Variants in CA8 observed in about 807,000 individuals in gnomAD.
CA8 encodes the protein carbonic anhydrase-related protein.
A neutral mutation model predicts 41.4 loss-of-function variants in CA8; 22 were observed. The observed-to-expected ratio is 0.53, with a 90% CI of 0.38 to 0.76. The LOEUF is 0.76. CA8 is among the 30% of genes least tolerant of loss of function. The pLI is 0.00. For missense variants in CA8, 270 were observed against 352.8 expected, an observed-to-expected ratio of 0.77 and a Z score of 1.88; for synonymous variants, 121 against 130.6, an observed-to-expected ratio of 0.93 and a Z score of 0.50.
chr8:60,202,845 A>G (rs1806472510), intron 8 of CA8, among the ~76,000 whole-genome samples: 1 of 152,184 alleles, frequency 6.6e-6, no homozygotes, highest in Admixed American at 6.5e-5. Context: ...TGTATACTAT[A>G]CCATACCCTC....
intron 2 of CA8, among the ~76,000 whole-genome samples, chr8:60,275,478 G>T (rs75477120): frequency 0.013 from 2,040 of 151,550 alleles, 42 homozygotes; most frequent in African/African-American, 0.048. Context: ...AAAAAAAAAG[G>T]TTTTTAATTG....
chr8:60,204,707 A>G (rs965974177), intron 8 of CA8, among the ~76,000 whole-genome samples: 1 of 152,234 alleles, frequency 6.6e-6, no homozygotes, highest in African/African-American at 2.4e-5. Context: ...TATAATAAAT[A>G]GAAAACAGCT....
chr8:60,211,446 G>C (rs781728399), intron 7 of CA8, among the ~76,000 whole-genome samples: 1 of 152,180 alleles, frequency 6.6e-6, no homozygotes, highest in Non-Finnish European at 1.5e-5. Flanking sequence ...AGCATGCACA[G>C]GTCACTGAGG....
At chr8:60,251,028 C>G (rs1808424840) in intron 3 of CA8, among the ~76,000 whole-genome samples, 1 of 151,920 alleles carries the variant, frequency 6.6e-6, no homozygotes, top group African/African-American at 2.4e-5. Context: ...TATTTATATG[C>G]CATTAAATTA....
chr8:60,248,217 T>C (rs1471166391), intron 3 of CA8, among the ~76,000 whole-genome samples: 4 of 152,210 alleles, frequency 2.6e-5, no homozygotes, highest in African/African-American at 4.8e-5. Context: ...TTCACTCTGA[T>C]GATACTTTCT....
intron 3 of CA8, chr8:60,232,710 A>G (rs1422253022): frequency 2.7e-6 from 1 of 366,956 alleles, no homozygotes; most frequent in Non-Finnish European, 5.2e-6. Flanking sequence ...ATGAAACAAA[A>G]CTCCAGGTCT....
In CA8 at chr8:60,185,745, A is replaced by C. The variant is rs1805946466; in HGVS notation, c.*4276T>G. Among the ~76,000 whole-genome samples, 1 of 152,144 alleles carries C rather than the reference A, an allele frequency of 6.6e-6. No homozygotes were observed. Among genetic ancestry groups the C allele is most frequent in the Non-Finnish European group, 1.5e-5 (1 of 68,010 alleles). Reference sequence around the variant, plus strand: ...TAAAATAAAGATAGCCCATATAAACAAAAACTAAAGATTTGTCCCTATCAG... The same window carrying C: ...TAAAATAAAGATAGCCCATATAAACCAAAACTAAAGATTTGTCCCTATCAG... On this transcript the variant is annotated 3_prime_UTR_variant, in exon 9 of 9. Coordinates refer to ENST00000317995, the MANE Select transcript of CA8 (RefSeq NM_004056.6).
intron 3 of CA8, among the ~76,000 whole-genome samples, chr8:60,253,504 T>C (rs1808519485): frequency 6.6e-6 from 1 of 152,102 alleles, no homozygotes; most frequent in African/African-American, 2.4e-5. Context: ...CACCACCTCT[T>C]CTTTTGCCAT....
At chr8:60,245,332 AC>A (rs1297575164) in intron 3 of CA8, among the ~76,000 whole-genome samples, 2 of 152,220 alleles carry the variant, frequency 1.3e-5, no homozygotes, top group Non-Finnish European at 2.9e-5. Flanking sequence ...ACTAAATGAA[AC>A]TGCCCTAATC....
intron 4 of CA8, among the ~76,000 whole-genome samples, chr8:60,230,156 T>C (rs1435435476): frequency 1.3e-5 from 2 of 152,230 alleles, no homozygotes; most frequent in Admixed American, 1.3e-4. Context: ...CTCAATGTCC[T>C]GCCTTTCTCC....
chr8:60,242,363 A>G (rs1266646638), intron 3 of CA8, among the ~76,000 whole-genome samples: 1 of 152,234 alleles, frequency 6.6e-6, no homozygotes, highest in Non-Finnish European at 1.5e-5. Flanking sequence ...GGAGGTACAG[A>G]AAGTGAAGTA....
rs113447474 is a variant in CA8, at chr8:60,252,513, G to C, written c.417+13412C>G. 8.9e-3 allele frequency among the ~76,000 whole-genome samples: 1,348 copies of C among 152,304 alleles called. 19 individuals carry two copies. Among genetic ancestry groups the C allele is most frequent in the African/African-American group, 0.03 (1,234 of 41,570 alleles). On this transcript the variant is annotated intron_variant, in intron 3 of 8. Coordinates refer to ENST00000317995, the MANE Select transcript of CA8 (RefSeq NM_004056.6). ...AATCCTTAGTTAAATTCACTCTTCT[G>C]TTGTGGGGAGGGAGATCAGCACTGT...
chr8:60,192,927 TCAA>T (rs1178046981), intron 8 of CA8, among the ~76,000 whole-genome samples: 1 of 134,138 alleles, frequency 7.5e-6, no homozygotes, highest in Non-Finnish European at 1.6e-5. Context: ...TTTCCTCCTG[TCAA>T]CATCATGCAC....
chr8:60,242,364 A>C (rs1393253217), intron 3 of CA8, among the ~76,000 whole-genome samples: 1 of 152,226 alleles, frequency 6.6e-6, no homozygotes, highest in Non-Finnish European at 1.5e-5. Flanking sequence ...GAGGTACAGA[A>C]AGTGAAGTAA....
At position 60,219,967 on chromosome 8, in the gene CA8, T is replaced by G. The variant is rs1459192246; in HGVS notation, c.738+2682A>C. ...AAAAAAAAAAAACACTTGACTATTC[T>G]CTAAACGTTGTCCCTAAAACCCTCC... On this transcript the variant is annotated intron_variant, in intron 7 of 8. Transcript: ENST00000317995. Among the ~76,000 whole-genome samples, 4 of 143,082 alleles carry G rather than the reference T, an allele frequency of 2.8e-5. No individual in the cohort carries two copies. The East Asian group carries it at 8.5e-4, about 31-fold the overall frequency. 93.9% of individuals were successfully genotyped at this position (143,082 alleles called of 152,430 possible).
chr8:60,263,800 A>G (rs1236891538), intron 3 of CA8, among the ~76,000 whole-genome samples: 1 of 152,170 alleles, frequency 6.6e-6, no homozygotes, highest in Non-Finnish European at 1.5e-5. Context: ...GTCTCCACAA[A>G]AATATATCAA....
At chr8:60,238,694 ATC>A (rs1406634785) in intron 3 of CA8, among the ~76,000 whole-genome samples, 1 of 152,056 alleles carries the variant, frequency 6.6e-6, no homozygotes, top group Non-Finnish European at 1.5e-5. Flanking sequence ...TCTGTTGAAA[ATC>A]TCTGATTTCC....
At chr8:60,280,113 T>C (rs975776539) in intron 1 of CA8, among the ~76,000 whole-genome samples, 2 of 152,236 alleles carry the variant, frequency 1.3e-5, no homozygotes, top group Non-Finnish European at 2.9e-5. Flanking sequence ...TCTATTTGTA[T>C]TTGTCAACAA....
intron 2 of CA8, among the ~76,000 whole-genome samples, chr8:60,271,404 T>C (rs1293282785): frequency 6.6e-6 from 1 of 152,174 alleles, no homozygotes; most frequent in East Asian, 1.9e-4. Flanking sequence ...TGACATTTCA[T>C]ATAAATAAAA....
Sources: allele counts gnomAD v4.1 joint callset (sites outside exome capture counted in the v4.1 genomes callset), GRCh38; gene constraint gnomAD v4.1.1; transcripts MANE v1.5; gene names NCBI Gene and HGNC (gene_info 2026-07-23, HGNC 2026-07-21).